TBC1D5: variants seen among roughly 807,000 people sequenced by gnomAD.
TBC1D5 encodes TBC1 domain family, member 5.
A neutral mutation model predicts 100.3 loss-of-function variants in TBC1D5; 75 were observed. That is an observed-to-expected ratio of 0.75 (90% CI 0.62 to 0.91). The LOEUF is 0.91. Ranked by LOEUF, TBC1D5 falls within the 40% of genes least tolerant of loss-of-function variation. The pLI is 0.00. For synonymous variants in TBC1D5, 323 were observed against 325.6 expected (o/e 0.99, Z 0.09); for missense variants, 910 against 942.4 (o/e 0.97, Z 0.45).
chr3:17,178,067 T>C (rs2067994499), intron 19 of TBC1D5, among the ~76,000 whole-genome samples: 1 of 38,802 alleles, frequency 2.6e-5, no homozygotes, highest in Non-Finnish European at 5.3e-5. Context: ...ATAGTGCTCC[T>C]TTTTTTTTTT....
intron 8 of TBC1D5, among the ~76,000 whole-genome samples, chr3:17,391,596 G>A (rs2093352933): frequency 6.6e-6 from 1 of 152,044 alleles, no homozygotes; most frequent in South Asian, 2.1e-4. Context: ...TGTGGTAGAA[G>A]TGCCTATGGG....
intron 2 of TBC1D5, among the ~76,000 whole-genome samples, chr3:17,552,199 AAAAAGGTAATAAC>A: frequency 6.6e-6 from 1 of 152,154 alleles, no homozygotes; most frequent in African/African-American, 2.4e-5. Flanking sequence ...AGAGAAAAAA[AAAAAGGTAATAAC>A]AATCACCGAA....
chr3:17,345,154 T>G (rs1393575819), intron 13 of TBC1D5, among the ~76,000 whole-genome samples: 1 of 151,668 alleles, frequency 6.6e-6, no homozygotes, highest in Non-Finnish European at 1.5e-5. Flanking sequence ...GGGAGAAAAT[T>G]TTTGCAACCT....
intron 9 of TBC1D5, among the ~76,000 whole-genome samples, chr3:17,377,442 A>T (rs2092753599): frequency 6.6e-6 from 1 of 152,092 alleles, no homozygotes; most frequent in Non-Finnish European, 1.5e-5. Context: ...TTCCCCCTTA[A>T]GCATCGAAAA....
At chr3:17,717,646 T>C (rs2075348022) in intron 1 of TBC1D5, among the ~76,000 whole-genome samples, 1 of 152,182 alleles carries the variant, frequency 6.6e-6, no homozygotes, top group African/African-American at 2.4e-5. Flanking sequence ...TGTCTAAAAA[T>C]AGGTTAAATG....
intron 1 of TBC1D5, among the ~76,000 whole-genome samples, chr3:17,697,253 A>C: frequency 6.6e-6 from 1 of 152,356 alleles, no homozygotes; most frequent in East Asian, 1.9e-4. Context: ...AGTTCTGGCC[A>C]GGGCAATCAG....
At chr3:17,330,885 A>G (rs1001040098) in intron 13 of TBC1D5, among the ~76,000 whole-genome samples, 3 of 151,876 alleles carry the variant, frequency 2.0e-5, no homozygotes, top group Admixed American at 1.3e-4. Flanking sequence ...CTACTGCTCA[A>G]CTCCTCTGTC....
At chr3:17,358,527 C>G (rs2091428072) in intron 13 of TBC1D5, among the ~76,000 whole-genome samples, 1 of 152,056 alleles carries the variant, frequency 6.6e-6, no homozygotes, top group Non-Finnish European at 1.5e-5. Context: ...TTAGGTCCCT[C>G]CCATTGACAT....
chr3:17,515,091 TA>T (rs1385952092), intron 2 of TBC1D5, among the ~76,000 whole-genome samples: 14 of 152,210 alleles, frequency 9.2e-5, no homozygotes, highest in African/African-American at 2.4e-4. Flanking sequence ...ACAGAAATCA[TA>T]ATTTGGCGAA....
intron 2 of TBC1D5, among the ~76,000 whole-genome samples, chr3:17,622,484 AGTT>A (rs888296874): frequency 2.3e-4 from 35 of 152,182 alleles, no homozygotes; most frequent in African/African-American, 3.4e-4. Flanking sequence ...CAATTTCAGA[AGTT>A]GTCCATATCT....
At chr3:17,194,774 T>C (rs982124905) in intron 18 of TBC1D5, among the ~76,000 whole-genome samples, 11 of 152,252 alleles carry the variant, frequency 7.2e-5, no homozygotes, top group Non-Finnish European at 1.0e-4. Flanking sequence ...AACATGCTTT[T>C]ATACCTACTG....
chr3:17,676,153 T>C (rs998714673), intron 1 of TBC1D5, among the ~76,000 whole-genome samples: 2 of 152,140 alleles, frequency 1.3e-5, no homozygotes, highest in East Asian at 3.8e-4. Flanking sequence ...CATTAAGTTT[T>C]TAAAACTCAA....
chr3:17,671,999 A>G (rs1447263042), intron 1 of TBC1D5, among the ~76,000 whole-genome samples: 1 of 152,260 alleles, frequency 6.6e-6, no homozygotes, highest in African/African-American at 2.4e-5. Flanking sequence ...TAAGTGAAAG[A>G]GTTAATAAAA....
At chr3:17,449,760 T>G (rs954580319) in intron 3 of TBC1D5, among the ~76,000 whole-genome samples, 5 of 152,040 alleles carry the variant, frequency 3.3e-5, no homozygotes, top group African/African-American at 9.7e-5. Context: ...AACTCCCATC[T>G]CCCCAGGACG....
chr3:17,500,024 G>C (rs949846335), intron 3 of TBC1D5, among the ~76,000 whole-genome samples: 1 of 149,344 alleles, frequency 6.7e-6, no homozygotes, highest in African/African-American at 2.6e-5. Flanking sequence ...AAGGGCTATT[G>C]CAAGGCTACT....
chr3:17,723,533 A>G (rs979345885), intron 1 of TBC1D5, among the ~76,000 whole-genome samples: 6 of 152,186 alleles, frequency 3.9e-5, no homozygotes, highest in Non-Finnish European at 7.3e-5. Context: ...ATAATTTTCT[A>G]AGAATAAAAT....
intron 14 of TBC1D5, among the ~76,000 whole-genome samples, chr3:17,307,532 T>C (rs1239515640): frequency 6.6e-6 from 1 of 152,184 alleles, no homozygotes; most frequent in Non-Finnish European, 1.5e-5. Context: ...AAAATATAAC[T>C]GGAAGAAAGT....
At chr3:17,332,578 A>G (rs2087023963) in intron 13 of TBC1D5, among the ~76,000 whole-genome samples, 1 of 152,106 alleles carries the variant, frequency 6.6e-6, no homozygotes, top group African/African-American at 2.4e-5. Context: ...AGGTCTGAGA[A>G]CTGAGTCCTG....
Position 17,553,136 on chromosome 3 carries a change from G to T in TBC1D5, c.-35-44531C>A, listed in dbSNP as rs927099534. 7.9e-5 allele frequency among the ~76,000 whole-genome samples: 12 copies of T among 152,206 alleles called. No individual in the cohort carries two copies. In the South Asian group the frequency reaches 2.3e-3, roughly 29 times the overall value. ...ACCATATTTCAGACAAAAGAGAGAT[G>T]GGTAAGAAAGAGAGGGAATGGTGTC... On this transcript the variant is annotated intron_variant, in intron 2 of 21. Transcript: ENST00000253692.
Sources: allele counts gnomAD v4.1 joint callset (sites outside exome capture counted in the v4.1 genomes callset), GRCh38; gene constraint gnomAD v4.1.1; transcripts MANE v1.5; gene names NCBI Gene and HGNC (gene_info 2026-07-23, HGNC 2026-07-21).